The following NRG3 variants were observed in gnomAD, a reference collection of about 807,000 sequenced individuals.
NRG3 encodes the protein neuregulin 3.
Under a neutral mutation model 66.9 loss-of-function variants are expected in NRG3, and 31 were observed. The observed-to-expected ratio is 0.46, with a 90% confidence interval of 0.35 to 0.63. The LOEUF (loss-of-function observed/expected upper bound fraction) is 0.63. Ranked by LOEUF, NRG3 falls within the 20% of genes least tolerant of loss-of-function variation. NRG3 has a pLI of 0.00. For synonymous variants in NRG3, 393 were observed against 359.4 expected (o/e 1.09, Z -1.06); for missense variants, 910 against 878.9 (o/e 1.04, Z -0.45).
In NRG3 at chr10:82,159,206, T is replaced by G. The variant is rs1008770619; in HGVS notation, c.824-199533T>G. Among the ~76,000 whole-genome samples the G allele has an allele frequency of 2.0e-5, 3 of 151,914 alleles. 1 individual carries two copies. Among genetic ancestry groups the G allele is most frequent in the African/African-American group, 7.2e-5 (3 of 41,430 alleles). The stretch of plus-strand genomic sequence containing the variant: ...TAGCTTTGGAAGCTAGGTTCAATGA[T>G]GTATATGCAAGTAACTAAGTTTCAT... On this transcript the variant is annotated intron_variant, in intron 1 of 8. Transcript: ENST00000372141.
chr10:82,603,917 T>A (rs2047796445), intron 2 of NRG3, among the ~76,000 whole-genome samples: 1 of 152,182 alleles, frequency 6.6e-6, no homozygotes, highest in South Asian at 2.1e-4. Flanking sequence ...CAATTTTAGG[T>A]GTATGGAAAA....
chr10:82,213,058 C>T (rs181518928), intron 1 of NRG3, among the ~76,000 whole-genome samples: 57 of 151,870 alleles, frequency 3.8e-4, no homozygotes, highest in African/African-American at 1.3e-3. Flanking sequence ...CAAGTCAGAC[C>T]AGCTTCCAAG....
At chr10:82,444,722 T>G (rs545999358) in intron 2 of NRG3, among the ~76,000 whole-genome samples, 11 of 152,250 alleles carry the variant, frequency 7.2e-5, no homozygotes, top group South Asian at 2.1e-4. Context: ...CAGAAAAGTT[T>G]TCATTGAAAC....
At chr10:82,481,713 G>A (rs1334513863) in intron 2 of NRG3, among the ~76,000 whole-genome samples, 2 of 152,086 alleles carry the variant, frequency 1.3e-5, no homozygotes, top group Non-Finnish European at 1.5e-5. Context: ...GGCCGGGCAC[G>A]ATGGCTCACA....
intron 3 of NRG3, among the ~76,000 whole-genome samples, chr10:82,822,236 C>T (rs769259911): frequency 6.6e-6 from 1 of 152,094 alleles, no homozygotes; most frequent in Non-Finnish European, 1.5e-5. Flanking sequence ...TGGGACCGTG[C>T]TTCAGCACCA....
chr10:82,019,668 G>C (rs1229848409), intron 1 of NRG3, among the ~76,000 whole-genome samples: 1 of 152,118 alleles, frequency 6.6e-6, no homozygotes, highest in Non-Finnish European at 1.5e-5. Context: ...AGTCTTGGGA[G>C]GGTGTATGTG....
chr10:82,785,762 A>G (rs2060333686), intron 3 of NRG3, among the ~76,000 whole-genome samples: 1 of 152,182 alleles, frequency 6.6e-6, no homozygotes, highest in African/African-American at 2.4e-5. Flanking sequence ...TGGAATTTGT[A>G]ATTAAAAAGG....
At chr10:82,639,256 G>A (rs1197617240) in intron 2 of NRG3, among the ~76,000 whole-genome samples, 1 of 152,100 alleles carries the variant, frequency 6.6e-6, no homozygotes, top group East Asian at 1.9e-4. Context: ...CATAGATGGT[G>A]ACTTCTTGCT....
At chr10:82,026,537 T>C (rs2062315783) in intron 1 of NRG3, among the ~76,000 whole-genome samples, 1 of 152,026 alleles carries the variant, frequency 6.6e-6, no homozygotes, top group Non-Finnish European at 1.5e-5. Context: ...ATCACAGCAA[T>C]AATATTGGCT....
intron 2 of NRG3, among the ~76,000 whole-genome samples, chr10:82,444,543 C>G (rs1289957851): frequency 2.0e-5 from 3 of 151,930 alleles, no homozygotes; most frequent in African/African-American, 4.8e-5. Context: ...AATGAAGATG[C>G]ACTGATAGAA....
chr10:82,300,339 G>A lies in NRG3; in HGVS notation c.824-58400G>A, dbSNP rs74562759. Among the ~76,000 whole-genome samples, 1,081 of 152,196 alleles carry A rather than the reference G, an allele frequency of 7.1e-3. 40 individuals are homozygous for A. Among genetic ancestry groups the A allele is most frequent in the Admixed American group, 0.06 (918 of 15,274 alleles). ...AAGCTAAAGTGATTAATAGATGATG[G>A]TTTCTTATACCATTCCTTTTACTTT... On this transcript the variant is annotated intron_variant, in intron 1 of 8. Coordinates refer to ENST00000372141, the MANE Select transcript of NRG3 (RefSeq NM_001010848.4).
chr10:82,680,207 A>C (rs1313235294), intron 2 of NRG3, among the ~76,000 whole-genome samples: 1 of 152,170 alleles, frequency 6.6e-6, no homozygotes, highest in Non-Finnish European at 1.5e-5. Context: ...ACATTGAGGA[A>C]TGGAAGACAT....
intron 1 of NRG3, among the ~76,000 whole-genome samples, chr10:81,930,403 C>T (rs894497376): frequency 6.6e-6 from 1 of 151,884 alleles, no homozygotes; most frequent in East Asian, 1.9e-4. Context: ...GAAGATACAA[C>T]TCAGGAGCAG....
At chr10:82,052,602 A>G (rs971639789) in intron 1 of NRG3, among the ~76,000 whole-genome samples, 42 of 152,338 alleles carry the variant, frequency 2.8e-4, no homozygotes, top group Admixed American at 1.5e-3. Flanking sequence ...GAATGAAAAT[A>G]TAGAGAAATT....
chr10:82,867,294 C>G (rs1048215657), intron 4 of NRG3, among the ~76,000 whole-genome samples: 1 of 152,162 alleles, frequency 6.6e-6, no homozygotes, highest in African/African-American at 2.4e-5. Flanking sequence ...ATCTAGCCAG[C>G]AGATTGAGAA....
chr10:82,414,185 G>C (rs2088346722), intron 2 of NRG3, among the ~76,000 whole-genome samples: 2 of 152,114 alleles, frequency 1.3e-5, no homozygotes. Context: ...AAGTGAGAGA[G>C]AATGTGACTC....
At chr10:82,064,675 C>G (rs533019921) in intron 1 of NRG3, among the ~76,000 whole-genome samples, 1 of 152,272 alleles carries the variant, frequency 6.6e-6, no homozygotes, top group African/African-American at 2.4e-5. Flanking sequence ...CAAGAGAAAT[C>G]TGAGCCAAGA....
chr10:82,512,634 C>G (rs930628587), intron 2 of NRG3, among the ~76,000 whole-genome samples: 21 of 152,182 alleles, frequency 1.4e-4, no homozygotes, highest in Non-Finnish European at 2.5e-4. Context: ...AAAGTACGCT[C>G]TCAGTAAGTT....
intron 1 of NRG3, among the ~76,000 whole-genome samples, chr10:81,913,765 T>C (rs1017970208): frequency 6.6e-6 from 1 of 152,198 alleles, no homozygotes; most frequent in African/African-American, 2.4e-5. Flanking sequence ...CCACGTGGAA[T>C]GTCTGATAAA....
Sources: allele counts gnomAD v4.1 joint callset (sites outside exome capture counted in the v4.1 genomes callset), GRCh38; gene constraint gnomAD v4.1.1; transcripts MANE v1.5; gene names NCBI Gene and HGNC (gene_info 2026-07-23, HGNC 2026-07-21).